Variants in DNAH10 observed in about 807,000 individuals in gnomAD.
DNAH10 encodes axonemal beta dynein heavy chain 10.
Under a neutral mutation model 506.6 loss-of-function variants are expected in DNAH10, and 348 were observed. The observed-to-expected ratio is 0.69, with a 90% confidence interval of 0.63 to 0.75. The LOEUF (loss-of-function observed/expected upper bound fraction) is 0.75. Ranked by LOEUF, DNAH10 falls within the 30% of genes least tolerant of loss-of-function variation. The probability of loss-of-function intolerance (pLI) is 0.00; values close to 1 mark genes in which losing one functional copy is unlikely to be tolerated. For missense variants in DNAH10, 5,179 were observed against 5,787.1 expected, an observed-to-expected ratio of 0.89 and a Z score of 3.41; for synonymous variants, 2,059 against 2,198.6, an observed-to-expected ratio of 0.94 and a Z score of 1.78.
At position 123,875,278 on chromosome 12, in the gene DNAH10, G is replaced by A. The variant is rs1387270283; in HGVS notation, c.7986G>A (p.Leu2662=). The part of the protein sequence containing the change: ...TQQPIALLKL[L]LEKGYLYDRG... ...AGCCCATTGCCTTGCTGAAGCTGCT[G>A]TTGGAAAAAGGCTACTTATATGACC... is the stretch of plus-strand genomic sequence containing the variant. The change falls in exon 47 of 79, where the codon CTG becomes CTA. Residue 2662 remains leucine, a synonymous_variant. Transcript: ENST00000673944. 6.2e-6 allele frequency: 10 copies of A among 1,612,858 alleles called. No homozygotes were observed. Among genetic ancestry groups the A allele is most frequent in the Non-Finnish European group, 8.5e-6 (10 of 1,179,332 alleles).
intron 3 of DNAH10, among the ~76,000 whole-genome samples, chr12:123,772,248 C>T (rs2135979897): frequency 6.6e-6 from 1 of 152,314 alleles, no homozygotes; most frequent in South Asian, 2.1e-4. Flanking sequence ...CCCCAGCAAA[C>T]AAAAACAGGC....
chr12:123,814,220 G>T (rs76945608), intron 21 of DNAH10: 2,383 of 203,074 alleles, frequency 0.012, 46 homozygotes, highest in African/African-American at 0.043. Context: ...ATGATAAGAA[G>T]AGAGTGAAAG....
rs550171183 is a variant in DNAH10 at position 123,902,831 on chromosome 12, C to T, written c.9641-108C>T. The T allele has an allele frequency of 9.7e-5, 135 of 1,387,964 alleles. No individual in the cohort carries two copies. The highest frequency in any genetic ancestry group is 1.1e-4 in the Non-Finnish European group (118 of 1,043,386). The allele number at this position is 1,387,964 out of a possible 1,614,324, so 86.0% of individuals were successfully genotyped here. A position where few individuals can be genotyped will look rare whatever the true frequency, so the allele number is the denominator to read the frequency against. On this transcript the variant is annotated intron_variant, in intron 56 of 78. Coordinates refer to ENST00000673944, the MANE Select transcript of DNAH10 (RefSeq NM_001372106.1). This position sits in a 1 kb window ranked among gnomAD's most constrained non-coding sequence, Gnocchi z 4.5. ...CATTGGCCAGAGCCCCTTAGATCCC[C>T]GCTAGGGCTCAAGCCAACCTTTGAG...
chr12:123,853,097 G>A lies in DNAH10; in HGVS notation c.6292-109G>A, dbSNP rs1951238162. ...GAATTTGCTTATTTGTAGAGCAGCT[G>A]CACTGGAACACCTGCCCCCGTTTTC... On this transcript the variant is annotated intron_variant, in intron 35 of 78. Transcript: ENST00000673944. This position sits in a 1 kb window ranked among gnomAD's most constrained non-coding sequence, Gnocchi z 4.7. 2 of 1,195,558 alleles carry A rather than the reference G, an allele frequency of 1.7e-6. No homozygotes were observed. Among genetic ancestry groups the A allele is most frequent in the African/African-American group, 1.5e-5 (1 of 65,656 alleles). The allele number at this position is 1,195,558 out of a possible 1,614,324, so 74.1% of individuals were successfully genotyped here. A position where few individuals can be genotyped will look rare whatever the true frequency, so the allele number is the denominator to read the frequency against.
chr12:123,891,979 G>A (rs367584468), intron 52 of DNAH10, among the ~76,000 whole-genome samples: 4 of 152,328 alleles, frequency 2.6e-5, no homozygotes, highest in East Asian at 3.9e-4. Context: ...CCCACCAGGG[G>A]AGCTAGTTGG....
Position 123,794,038 on chromosome 12 carries a change from A to G in DNAH10, c.1912A>G (p.Ile638Val). ...TGACATGCTTTTAAAATTTAAGCAC[A>G]TTCGTTCACGGGAGGCTGTTAATCG... ...AFDMLLKFKH[I>V]RSREAVNRQM... Residue 638 changes from isoleucine to valine, a missense_variant, in exon 12 of 79, where the codon ATT becomes GTT. By Grantham distance (29) the Ile-to-Val change is conservative. Transcript: ENST00000673944. The G allele has an allele frequency of 1.6e-6, 2 of 1,287,390 alleles. No individual in the cohort carries two copies. Among genetic ancestry groups the G allele is most frequent in the South Asian group, 2.5e-5 (2 of 80,532 alleles). The allele number at this position is 1,287,390 out of a possible 1,614,324, so 79.7% of individuals were successfully genotyped here. A position where few individuals can be genotyped will look rare whatever the true frequency, so the allele number is the denominator to read the frequency against.
chr12:123,850,721 G>T lies in DNAH10; in HGVS notation c.6103-167G>T, dbSNP rs753424228. 3.3e-5 allele frequency among the ~76,000 whole-genome samples: 5 copies of T among 152,162 alleles called. No individual in the cohort carries two copies. Among genetic ancestry groups the T allele is most frequent in the Admixed American group, 6.5e-5 (1 of 15,288 alleles). The stretch of plus-strand genomic sequence containing the variant: ...CTGCCCTCCCCAAGGCCTTCAGCGA[G>T]GGGGGCCCTGCATTGAACACCGGGG... On this transcript the variant is annotated intron_variant, in intron 34 of 78. Transcript: ENST00000673944. The surrounding 1 kb of genome is among the most constrained non-coding windows in gnomAD (Gnocchi z 5.5).
At chr12:123,893,181 C>T (rs1330840198) in intron 52 of DNAH10, 52 bp from the exon 53 acceptor site, 13 of 1,550,544 alleles carry the variant, frequency 8.4e-6, no homozygotes, top group Admixed American at 3.6e-5. Flanking sequence ...GCACTTAGAG[C>T]GGTCATGACC....
chr12:123,859,981 G>T (rs190729905), intron 38 of DNAH10, among the ~76,000 whole-genome samples: 11 of 151,772 alleles, frequency 7.2e-5, no homozygotes, highest in African/African-American at 2.7e-4. Flanking sequence ...AGTGGGCTAG[G>T]ATTGTGCCAC....
In DNAH10 at chr12:123,898,676, G is replaced by A. The variant is rs376161471; in HGVS notation, c.9502G>A (p.Gly3168Arg). Residue 3168 changes from glycine to arginine, a missense_variant, in exon 56 of 79, where the codon GGA becomes AGA. Transcript: ENST00000673944. The stretch of plus-strand genomic sequence containing the variant: ...AGCTCAGTGCAAGCGTCTGGATGGG[G>A]GACTGGACAAGCTGAAGGAGGCCAC... The part of the protein sequence containing the change: ...NIAQCKRLDG[G>R]LDKLKEATIQ... The A allele has an allele frequency of 1.3e-6, 2 of 1,592,622 alleles. No individual in the cohort carries two copies. The highest frequency in any genetic ancestry group is 1.1e-5 in the South Asian group (1 of 87,414).
chr12:123,839,190 G>A (rs1463735205), intron 29 of DNAH10, among the ~76,000 whole-genome samples: 2 of 149,288 alleles, frequency 1.3e-5, no homozygotes, highest in African/African-American at 2.5e-5. Context: ...TTTTTCCACA[G>A]TCCAAAACCT....
At chr12:123,764,644 GT>G (rs1319684623) in intron 1 of DNAH10, among the ~76,000 whole-genome samples, 2 of 152,158 alleles carry the variant, frequency 1.3e-5, no homozygotes, top group Non-Finnish European at 1.5e-5. Flanking sequence ...TGGAAGCAGA[GT>G]TCAGTCTCAC....
At chr12:123,864,761 T>C (rs1410950561) in intron 40 of DNAH10, 31 bp downstream of exon 40, 2 of 1,580,408 alleles carry the variant, frequency 1.3e-6, no homozygotes, top group African/African-American at 1.4e-5. Flanking sequence ...AATTTGAACA[T>C]AAATCTTTCT....
intron 11 of DNAH10, among the ~76,000 whole-genome samples, chr12:123,791,775 T>TG (rs1958090118): frequency 1.3e-5 from 2 of 152,092 alleles, no homozygotes; most frequent in South Asian, 4.1e-4. Context: ...CTCACTCTGT[T>TG]GCCCAGGTTG....
rs759900164 is a variant in DNAH10 at position 123,783,996 on chromosome 12, C to T, written c.1049C>T (p.Thr350Ile). Residue 350 changes from threonine (T) to isoleucine (I), a missense_variant, in exon 8 of 79, where the codon ACC becomes ATC. Transcript: ENST00000673944. Reference protein sequence around the residue: ...EIEFWRERNATLSALHEQTKL... With the variant: ...EIEFWRERNAILSALHEQTKL... ...GAATTCTGGAGGGAAAGAAATGCAA[C>T]CTTAAGTGCGCTGCATGAACAAACA... 1.9e-6 allele frequency: 3 copies of T among 1,614,178 alleles called. No homozygotes were observed. Among genetic ancestry groups the T allele is most frequent in the South Asian group, 1.1e-5 (1 of 91,082 alleles).
rs1438308798 is a variant in DNAH10, at chr12:123,820,680, A to G, written c.4101A>G (p.Thr1367=). The G allele has an allele frequency of 2.5e-6, 4 of 1,613,960 alleles. No individual in the cohort carries two copies. The highest frequency in any genetic ancestry group is 3.4e-6 in the Non-Finnish European group (4 of 1,179,898). ...NAEKLFDLPI[T]MYPELLKVQK... is the part of the protein sequence containing the mutation. ...AGAAACTTTTCGATCTTCCTATTAC[A>G]ATGTACCCAGAGCTGCTGAAAGTGC... Residue 1367 remains threonine, a synonymous_variant, in exon 24 of 79, where the codon ACA becomes ACG. Transcript: ENST00000673944.
intron 34 of DNAH10, 64 bp downstream of exon 34, chr12:123,848,946 T>G: frequency 6.3e-7 from 1 of 1,577,950 alleles, no homozygotes; most frequent in Non-Finnish European, 8.6e-7. Flanking sequence ...TATGGTAAGC[T>G]TCCTCTGTAG....
rs1321516029 is a variant in DNAH10 at position 123,913,608 on chromosome 12, C to T, written c.10352+293C>T. Among the ~76,000 whole-genome samples the T allele has an allele frequency of 1.3e-5, 2 of 152,138 alleles. No homozygotes were observed. Among genetic ancestry groups the T allele is most frequent in the Non-Finnish European group, 2.9e-5 (2 of 68,038 alleles). ...GGGTGCTCTAGGTTTGGGAAGTGTTCACTTCTTGGTGACCTCTAACCCCTG... is the reference window on the plus strand; with the variant it reads ...GGGTGCTCTAGGTTTGGGAAGTGTTTACTTCTTGGTGACCTCTAACCCCTG... On this transcript the variant is annotated intron_variant, in intron 60 of 78. Coordinates refer to ENST00000673944, the MANE Select transcript of DNAH10 (RefSeq NM_001372106.1). The surrounding 1 kb of genome is among the most constrained non-coding windows in gnomAD (Gnocchi z 5.1).
chr12:123,831,824 T>A (rs1216439017), intron 26 of DNAH10, among the ~76,000 whole-genome samples: 1 of 150,648 alleles, frequency 6.6e-6, no homozygotes. Flanking sequence ...GAGAATGGTG[T>A]GAACCCAGGA....
Sources: gnomAD v4.1 joint callset for allele counts (sites outside exome capture counted in the v4.1 genomes callset) on GRCh38, gnomAD v4.1.1 for gene constraint, Gnocchi (gnomAD v3.1) non-coding constraint, MANE v1.5 for transcripts, NCBI Gene and HGNC (gene_info 2026-07-23, HGNC 2026-07-21) for gene names.